TBK1: variants seen among roughly 807,000 people sequenced by gnomAD.
TBK1 encodes the protein TANK binding kinase 1, also known as serine/threonine-protein kinase TBK1.
TBK1 carries 37 observed loss-of-function variants against 99.9 expected under a neutral mutation model. The ratio of observed to expected loss-of-function variants is 0.37; its 90% CI spans 0.28 to 0.49. The LOEUF (loss-of-function observed/expected upper bound fraction) is 0.49, where lower values mean the gene tolerates loss of function less well. Among genes scored for constraint, TBK1 ranks in the 20% least tolerant of loss-of-function variants. The pLI is 0.98. For missense variants in TBK1, 644 were observed against 872.5 expected (o/e 0.74, Z 3.30); for synonymous variants, 258 against 279.8 (o/e 0.92, Z 0.78).
intron 13 of TBK1, among the ~76,000 whole-genome samples, chr12:64,493,424 C>T (rs1022631935): frequency 2.6e-5 from 4 of 151,290 alleles, no homozygotes; most frequent in Non-Finnish European, 5.9e-5. Context: ...GCCAGGAGTT[C>T]GAGACCAGCC....
chr12:64,493,320 G>T (rs1592374691), intron 13 of TBK1, among the ~76,000 whole-genome samples: 1 of 152,116 alleles, frequency 6.6e-6, no homozygotes, highest in Non-Finnish European at 1.5e-5. Flanking sequence ...CCCTGCAGCA[G>T]TGCTTCTCAG....
intron 5 of TBK1, among the ~76,000 whole-genome samples, chr12:64,473,586 A>G (rs1240691856): frequency 9.9e-5 from 15 of 152,228 alleles, no homozygotes; most frequent in Admixed American, 9.8e-4. Flanking sequence ...AAAGTTGGCC[A>G]TGTATAGGTG....
intron 6 of TBK1, among the ~76,000 whole-genome samples, chr12:64,476,244 G>A (rs987677859): frequency 7.4e-6 from 1 of 134,866 alleles, no homozygotes; most frequent in Non-Finnish European, 1.5e-5. Context: ...TGCAAGCTCC[G>A]CCTCCCTGGT....
At chr12:64,497,908 A>T in intron 19 of TBK1, 60 bp from the exon 20 acceptor site, 7 of 1,506,716 alleles carry the variant, frequency 4.6e-6, no homozygotes, top group Non-Finnish European at 6.4e-6. Flanking sequence ...TAAAACATAA[A>T]CATCATTCTA....
chr12:64,462,620 CTT>C (rs2040558818), intron 3 of TBK1, among the ~76,000 whole-genome samples: 1 of 151,718 alleles, frequency 6.6e-6, no homozygotes, highest in African/African-American at 2.4e-5. Context: ...ATTTCTCTCT[CTT>C]TTTTGAAATG....
At chr12:64,498,156 A>T (rs1009923785) in intron 20 of TBK1, 117 bp downstream of exon 20, 36 of 823,526 alleles carry the variant, frequency 4.4e-5, no homozygotes, top group Non-Finnish European at 6.7e-5. Context: ...TAAAGTCAGA[A>T]CTCATGTTTT....
At chr12:64,465,015 C>T (rs111935955) in intron 4 of TBK1, among the ~76,000 whole-genome samples, 25 of 151,750 alleles carry the variant, frequency 1.6e-4, no homozygotes, top group Admixed American at 7.2e-4. Context: ...AAGTGGAGGC[C>T]GGCAGATTGC....
intron 7 of TBK1, among the ~76,000 whole-genome samples, chr12:64,480,762 C>G (rs1024009114): frequency 6.6e-6 from 1 of 152,108 alleles, no homozygotes; most frequent in African/African-American, 2.4e-5. Context: ...AGACATGCAT[C>G]GGTATTTAGT....
intron 20 of TBK1, among the ~76,000 whole-genome samples, chr12:64,500,479 C>G (rs777359874): frequency 6.6e-6 from 1 of 151,984 alleles, no homozygotes; most frequent in Non-Finnish European, 1.5e-5. Context: ...TTTTTCTTAA[C>G]CCCAAGCTCT....
Position 64,496,383 on chromosome 12 carries a change from A to G in TBK1, c.1737A>G (p.Glu579=). The change falls in exon 16 of 21, where the codon GAA becomes GAG. Residue 579 remains glutamate (E), a synonymous_variant. Coordinates refer to ENST00000331710, the MANE Select transcript of TBK1 (RefSeq NM_013254.4). ...DKAERRLAYN[E]EQIHKFDKQK... ...TATTTCTAGGATTAGCTTATAATGA[A>G]GAACAAATCCACAAATTTGATAAGT... 1 of 1,240,166 alleles carries G rather than the reference A, an allele frequency of 8.1e-7. No homozygotes were observed. Among genetic ancestry groups the G allele is most frequent in the Non-Finnish European group, 1.1e-6 (1 of 886,224 alleles). The allele number at this position is 1,240,166 out of a possible 1,614,324, so 76.8% of individuals were successfully genotyped here.
At chr12:64,454,745 C>T (rs2040466883) in intron 1 of TBK1, among the ~76,000 whole-genome samples, 1 of 135,012 alleles carries the variant, frequency 7.4e-6, no homozygotes, top group Non-Finnish European at 1.5e-5. Flanking sequence ...GGCGCGATCT[C>T]GGCTCACTGC....
chr12:64,463,230 G>A (rs1483749935), intron 3 of TBK1, among the ~76,000 whole-genome samples: 3 of 151,934 alleles, frequency 2.0e-5, no homozygotes, highest in Non-Finnish European at 4.4e-5. Flanking sequence ...AAATTAGCCG[G>A]GTGTGGTGGC....
chr12:64,498,079 A>G lies in TBK1; in HGVS notation c.2138+40A>G, dbSNP rs764545722. On this transcript the variant is annotated intron_variant, in intron 20 of 20. Coordinates refer to ENST00000331710, the MANE Select transcript of TBK1 (RefSeq NM_013254.4). ...AATAATTACTGTGATTTTCTGTGCA[A>G]TTGAGTTCATTCACATCTGTACTTA... 7.3e-6 allele frequency: 11 copies of G among 1,514,602 alleles called. No individual in the cohort carries two copies. In the African/African-American group the frequency reaches 8.3e-5, roughly 11 times the overall value. 93.8% of individuals were successfully genotyped at this position (1,514,602 alleles called of 1,614,324 possible).
At chr12:64,460,115 G>T in intron 2 of TBK1, 74 bp from the exon 3 acceptor site, 1 of 1,001,664 alleles carries the variant, frequency 1.0e-6, no homozygotes, top group Non-Finnish European at 1.4e-6. Flanking sequence ...TTGCAATAGC[G>T]AGTTCTAATG....
intron 5 of TBK1, among the ~76,000 whole-genome samples, chr12:64,472,432 A>G (rs2040672095): frequency 6.6e-6 from 1 of 152,100 alleles, no homozygotes; most frequent in African/African-American, 2.4e-5. Context: ...GGGATCATTT[A>G]GGTGGTAACT....
rs2040935162 is a variant in TBK1 at position 64,497,155 on chromosome 12, GT to G, written c.1863-4del. 6.3e-7 allele frequency: 1 copy of G among 1,586,794 alleles called. No homozygotes were observed. The highest frequency in any genetic ancestry group is 1.4e-5 in the African/African-American group (1 of 73,962). Reference sequence around the variant, plus strand: ...ACTGCATATCAATTGATTCTTTTTGGTTTTCAGAAAGATGCTTCATCTTAGG... The same window carrying G: ...ACTGCATATCAATTGATTCTTTTTGGTTTCAGAAAGATGCTTCATCTTAGG... On this transcript the variant is annotated splice_region_variant and splice_polypyrimidine_tract_variant and intron_variant, in intron 17 of 20. Coordinates refer to ENST00000331710, the MANE Select transcript of TBK1 (RefSeq NM_013254.4).
intron 13 of TBK1, among the ~76,000 whole-genome samples, chr12:64,490,750 C>T (rs1022903666): frequency 4.6e-5 from 7 of 151,888 alleles, no homozygotes; most frequent in Non-Finnish European, 7.4e-5. Flanking sequence ...CCAGCCTGGC[C>T]AACATGGTGA....
At chr12:64,476,804 T>G (rs1305021389) in intron 6 of TBK1, among the ~76,000 whole-genome samples, 1 of 152,216 alleles carries the variant, frequency 6.6e-6, no homozygotes, top group Admixed American at 6.5e-5. Flanking sequence ...TAGTTTGAGG[T>G]CTTACATTTA....
At chr12:64,476,576 G>A (rs1361463976) in intron 6 of TBK1, among the ~76,000 whole-genome samples, 1 of 152,134 alleles carries the variant, frequency 6.6e-6, no homozygotes, top group Non-Finnish European at 1.5e-5. Context: ...TTAGTCCTTT[G>A]TCAAATGCAT....
Sources: gnomAD v4.1 joint callset for allele counts (sites outside exome capture counted in the v4.1 genomes callset) on GRCh38, gnomAD v4.1.1 for gene constraint, MANE v1.5 for transcripts, NCBI Gene and HGNC (gene_info 2026-07-23, HGNC 2026-07-21) for gene names.